Variants in ZNF804A observed in about 807,000 individuals in gnomAD.
ZNF804A encodes zinc finger protein 804A.
ZNF804A carries 2 observed loss-of-function variants against 16.5 expected under a neutral mutation model. The observed-to-expected ratio is 0.12, with a 90% CI of 0.05 to 0.38. The LOEUF (loss-of-function observed/expected upper bound fraction) is 0.38. Ranked by LOEUF, ZNF804A falls within the 10% of genes least tolerant of loss-of-function variation. The pLI, the probability that ZNF804A is intolerant of heterozygous loss-of-function variation, is 0.99. For missense variants in ZNF804A, 1,473 were observed against 1,390.7 expected (o/e 1.06, Z -0.94); for synonymous variants, 534 against 489.6 (o/e 1.09, Z -1.20).
At chr2:184,718,798 G>A (rs1352437508) in intron 1 of ZNF804A, among the ~76,000 whole-genome samples, 1 of 152,136 alleles carries the variant, frequency 6.6e-6, no homozygotes, top group African/African-American at 2.4e-5. Flanking sequence ...TTGACAGACT[G>A]GCATTGAGTG....
intron 1 of ZNF804A, among the ~76,000 whole-genome samples, chr2:184,607,718 A>G (rs1435447279): frequency 6.6e-6 from 1 of 152,132 alleles, no homozygotes; most frequent in African/African-American, 2.4e-5. Context: ...GTTAGCCTGA[A>G]TTTAAGCAAA....
At chr2:184,796,977 T>C (rs747897986) in intron 1 of ZNF804A, among the ~76,000 whole-genome samples, 11 of 152,198 alleles carry the variant, frequency 7.2e-5, no homozygotes, top group African/African-American at 1.2e-4. Flanking sequence ...TTTATTCCAC[T>C]GTGGTCTGAA....
At chr2:184,713,128 C>T (rs1003125127) in intron 1 of ZNF804A, among the ~76,000 whole-genome samples, 1 of 151,604 alleles carries the variant, frequency 6.6e-6, no homozygotes, top group Non-Finnish European at 1.5e-5. Flanking sequence ...AAGAAATAGC[C>T]ACCTCTCCCA....
At chr2:184,722,111 TG>T (rs1032258298) in intron 1 of ZNF804A, among the ~76,000 whole-genome samples, 3 of 151,600 alleles carry the variant, frequency 2.0e-5, no homozygotes, top group Non-Finnish European at 4.4e-5. Context: ...GTGTATGGGT[TG>T]GGGGGGATGA....
chr2:184,897,334 A>G (rs1373306090), intron 2 of ZNF804A, among the ~76,000 whole-genome samples: 1 of 151,896 alleles, frequency 6.6e-6, no homozygotes, highest in African/African-American at 2.4e-5. Context: ...TCCCCTTTCC[A>G]TACAGCAATT....
intron 2 of ZNF804A, among the ~76,000 whole-genome samples, chr2:184,882,999 T>A (rs1381156636): frequency 6.6e-6 from 1 of 152,054 alleles, no homozygotes; most frequent in Non-Finnish European, 1.5e-5. Flanking sequence ...ATCCACAATT[T>A]GGTTTTTGGA....
intron 1 of ZNF804A, among the ~76,000 whole-genome samples, chr2:184,603,468 T>G (rs909496839): frequency 6.6e-5 from 10 of 152,198 alleles, no homozygotes; most frequent in African/African-American, 9.6e-5. Flanking sequence ...TGGCCTTTTG[T>G]TTTAGTTTTC....
At chr2:184,641,203 G>A (rs1233386289) in intron 1 of ZNF804A, among the ~76,000 whole-genome samples, 2 of 151,994 alleles carry the variant, frequency 1.3e-5, no homozygotes, top group Non-Finnish European at 1.5e-5. Flanking sequence ...TGCCCACCTC[G>A]GCTTCCCAAA....
In ZNF804A at chr2:184,939,171, A is replaced by G. The variant is rs1351016496; in HGVS notation, c.*145A>G. Reference sequence around the variant, plus strand: ...TCATTGGTTTGAAATCATTTACTGTAAGTGCAATGATGCAAATAAATCCCT... The same window carrying G: ...TCATTGGTTTGAAATCATTTACTGTGAGTGCAATGATGCAAATAAATCCCT... On this transcript the variant is annotated 3_prime_UTR_variant, in exon 4 of 4. Transcript: ENST00000302277. 4.1e-6 allele frequency: 4 copies of G among 973,916 alleles called. No individual in the cohort carries two copies. In the African/African-American group the frequency reaches 6.5e-5, roughly 16 times the overall value. The allele number at this position is 973,916 out of a possible 1,614,324, so 60.3% of individuals were successfully genotyped here.
intron 3 of ZNF804A, among the ~76,000 whole-genome samples, chr2:184,934,543 A>G (rs1685754464): frequency 6.6e-6 from 1 of 152,162 alleles, no homozygotes; most frequent in East Asian, 1.9e-4. Flanking sequence ...TTGGAATCCT[A>G]CATCCAACTG....
At chr2:184,747,533 C>A (rs527868691) in intron 1 of ZNF804A, among the ~76,000 whole-genome samples, 1 of 150,916 alleles carries the variant, frequency 6.6e-6, no homozygotes, top group African/African-American at 2.4e-5. Flanking sequence ...AAATAATGTT[C>A]TTCTACTTAA....
chr2:184,857,599 A>G (rs1444606869), intron 1 of ZNF804A, among the ~76,000 whole-genome samples: 1 of 152,126 alleles, frequency 6.6e-6, no homozygotes, highest in Non-Finnish European at 1.5e-5. Flanking sequence ...ATATTATTAT[A>G]TTATAGTCTA....
At chr2:184,871,415 C>CAAAA (rs71407821) in intron 2 of ZNF804A, among the ~76,000 whole-genome samples, 2 of 105,772 alleles carry the variant, frequency 1.9e-5, no homozygotes, top group Non-Finnish European at 4.1e-5. Flanking sequence ...ATTACTCCAG[C>CAAAA]AAAAAAAAAA....
chr2:184,644,248 T>A (rs1424893165), intron 1 of ZNF804A, among the ~76,000 whole-genome samples: 1 of 140,274 alleles, frequency 7.1e-6, no homozygotes, highest in Admixed American at 7.0e-5. Flanking sequence ...TATATATATA[T>A]AAAATACCTC....
intron 1 of ZNF804A, among the ~76,000 whole-genome samples, chr2:184,722,895 C>A (rs1693340614): frequency 6.6e-6 from 1 of 151,904 alleles, no homozygotes; most frequent in South Asian, 2.1e-4. Flanking sequence ...ACGGTATTTA[C>A]CCTACAGGAA....
At chr2:184,649,525 C>A (rs1182683959) in intron 1 of ZNF804A, among the ~76,000 whole-genome samples, 1 of 151,726 alleles carries the variant, frequency 6.6e-6, no homozygotes, top group Non-Finnish European at 1.5e-5. Flanking sequence ...GATAGACTAA[C>A]AACTAGATTA....
chr2:184,845,637 T>C (rs1695500027), intron 1 of ZNF804A, among the ~76,000 whole-genome samples: 1 of 152,152 alleles, frequency 6.6e-6, no homozygotes. Context: ...ACCAGGCCTT[T>C]ATTAATAGAG....
chr2:184,683,336 G>A (rs868367539), intron 1 of ZNF804A, among the ~76,000 whole-genome samples: 15 of 151,792 alleles, frequency 9.9e-5, no homozygotes, highest in Admixed American at 2.6e-4. Flanking sequence ...AACCTCTTTC[G>A]CTATACAACT....
intron 1 of ZNF804A, among the ~76,000 whole-genome samples, chr2:184,681,840 C>T (rs1692546001): frequency 6.6e-6 from 1 of 152,232 alleles, no homozygotes; most frequent in African/African-American, 2.4e-5. Context: ...CCAGGCATCC[C>T]TGTGCTCTCA....
Sources: gnomAD v4.1 joint callset for allele counts (sites outside exome capture counted in the v4.1 genomes callset) on GRCh38, gnomAD v4.1.1 for gene constraint, MANE v1.5 for transcripts, NCBI Gene and HGNC (gene_info 2026-07-23, HGNC 2026-07-21) for gene names.